CSF2RA: variants seen among roughly 807,000 people sequenced by gnomAD.
CSF2RA encodes granulocyte-macrophage colony-stimulating factor receptor subunit alpha.
A neutral mutation model predicts 51.6 loss-of-function variants in CSF2RA; 42 were observed. The ratio of observed to expected loss-of-function variants is 0.81; its 90% CI spans 0.64 to 1.05. The LOEUF (loss-of-function observed/expected upper bound fraction) is 1.05, where lower values mean the gene tolerates loss of function less well. CSF2RA is among the 50% of genes least tolerant of loss of function. The pLI, the probability that CSF2RA is intolerant of heterozygous loss-of-function variation, is 0.00. For synonymous variants in CSF2RA, 222 were observed against 193.0 expected (o/e 1.15, Z -1.24); for missense variants, 530 against 501.1 (o/e 1.06, Z -0.55).
At chrX:1,306,047 A>G in intron 12 of CSF2RA, 1 of 447,926 alleles carries the variant, frequency 2.2e-6, no homozygotes, top group South Asian at 2.3e-5. Flanking sequence ...GCACCACTGC[A>G]CTCCAGCCTG....
chrX:1,282,844 C>A, intron 3 of CSF2RA, 65 bp downstream of exon 3: 4 of 1,351,410 alleles, frequency 3.0e-6, no homozygotes, highest in Non-Finnish European at 4.2e-6. Flanking sequence ...CATCTGGAGA[C>A]CCATCTGGAT....
chrX:1,322,779 A>G, the CSF2RA span, among the ~76,000 whole-genome samples: 2 of 151,900 alleles, frequency 1.3e-5, no homozygotes, highest in Non-Finnish European at 2.9e-5. Flanking sequence ...GTCCACGTTA[A>G]CCTCAGAATG....
At chrX:1,303,381 AC>A in intron 10 of CSF2RA, 1 of 434,624 alleles carries the variant, frequency 2.3e-6, no homozygotes. Context: ...GATTACAGGC[AC>A]CCACCACCAT....
At chrX:1,324,895 A>G in the CSF2RA span, among the ~76,000 whole-genome samples, 1 of 152,072 alleles carries the variant, frequency 6.6e-6, no homozygotes, top group African/African-American at 2.4e-5. Flanking sequence ...TCCTTGTCAG[A>G]GCCCTGTGTC....
chrX:1,313,232 T>C (rs1251784309), downstream of CSF2RA, among the ~76,000 whole-genome samples: 1 of 151,426 alleles, frequency 6.6e-6, no homozygotes, highest in African/African-American at 2.4e-5. Flanking sequence ...AAAACCAGCC[T>C]GGCCAACGTG....
intron 7 of CSF2RA, among the ~76,000 whole-genome samples, chrX:1,290,961 A>G (rs2049146278): frequency 6.6e-6 from 1 of 152,070 alleles, no homozygotes; most frequent in African/African-American, 2.4e-5. Flanking sequence ...TCGCTCTGTC[A>G]CCCAGGCTGG....
At chrX:1,280,874 T>TCTCCTCCTCCTC (rs2089849195) in intron 2 of CSF2RA, among the ~76,000 whole-genome samples, 13 of 37,966 alleles carry the variant, frequency 3.4e-4, no homozygotes, top group Admixed American at 1.3e-3. Context: ...TCCTCCTCCT[T>TCTCCTCCTCCTC]CTCCTGCTCC....
intron 2 of CSF2RA, among the ~76,000 whole-genome samples, chrX:1,275,719 C>A (rs774395768): frequency 6.6e-6 from 1 of 151,082 alleles, no homozygotes; most frequent in Admixed American, 6.6e-5. Flanking sequence ...CCACCATGCC[C>A]AGCTAATTTT....
chrX:1,280,847 TCTCCTTCTCCTCCTCCTCCTC>T (rs1412430992), intron 2 of CSF2RA, among the ~76,000 whole-genome samples: 3 of 41,742 alleles, frequency 7.2e-5, no homozygotes, highest in African/African-American at 2.4e-4. Context: ...TCCTCCTTCC[TCTCCTTCTCCTCCTCCTCCTC>T]CTCCTTCTCC....
chrX:1,308,024 G>C (rs1250059022), intron 12 of CSF2RA, among the ~76,000 whole-genome samples: 31 of 147,386 alleles, frequency 2.1e-4, no homozygotes, highest in African/African-American at 7.8e-4. Context: ...CAACTGATTA[G>C]ATGAGGCCCA....
At chrX:1,274,676 C>T (rs1361749571) in intron 1 of CSF2RA, 79 bp from the exon 2 acceptor site, 5 of 447,806 alleles carry the variant, frequency 1.1e-5, no homozygotes, top group East Asian at 7.1e-5. Context: ...GAATAAAATG[C>T]GAGGCAGGTT....
intron 9 of CSF2RA, among the ~76,000 whole-genome samples, chrX:1,299,295 C>T (rs780370460): frequency 2.0e-5 from 3 of 152,278 alleles, no homozygotes; most frequent in East Asian, 1.9e-4. Flanking sequence ...CCAAGTCTCG[C>T]GGCCACTCTG....
At chrX:1,271,016 C>A (rs1461815889) in intron 1 of CSF2RA, among the ~76,000 whole-genome samples, 1 of 150,474 alleles carries the variant, frequency 6.6e-6, no homozygotes, top group Non-Finnish European at 1.5e-5. Context: ...ATTCCCCCAT[C>A]CCTCGTGTAT....
intron 7 of CSF2RA, among the ~76,000 whole-genome samples, chrX:1,292,232 C>A (rs1475698838): frequency 2.0e-5 from 3 of 152,162 alleles, no homozygotes; most frequent in African/African-American, 4.8e-5. Context: ...TCCACATTTA[C>A]GTGGACACAG....
intron 1 of CSF2RA, among the ~76,000 whole-genome samples, chrX:1,274,313 A>AT (rs774046959): frequency 6.6e-6 from 1 of 151,308 alleles, no homozygotes; most frequent in Non-Finnish European, 1.5e-5. Flanking sequence ...GCTTTCATAC[A>AT]TTTTTTTGGC....
chrX:1,322,439 G>GC, the CSF2RA span, among the ~76,000 whole-genome samples: 2 of 120,690 alleles, frequency 1.7e-5, no homozygotes, highest in African/African-American at 6.3e-5. Flanking sequence ...GTGTGTGTTT[G>GC]TTTTTTTTTT....
At chrX:1,283,536 CCT>C (rs2090304986) in intron 3 of CSF2RA, among the ~76,000 whole-genome samples, 1 of 121,780 alleles carries the variant, frequency 8.2e-6, no homozygotes, top group Admixed American at 9.8e-5. Context: ...TTTCTTTCTT[CCT>C]CTTTCTTCTT....
downstream of CSF2RA, among the ~76,000 whole-genome samples, chrX:1,314,596 GCCC>G (rs2084424074): frequency 1.8e-4 from 5 of 27,682 alleles, no homozygotes; most frequent in African/African-American, 2.6e-4. Context: ...CACTGCACCT[GCCC>G]AACCCCACTG....
rs376047951 is a variant in CSF2RA, at chrX:1,282,957, T to G, written c.76+178T>G. Among the ~76,000 whole-genome samples the G allele has an allele frequency of 1.2e-3, 188 of 152,188 alleles. 2 individuals carry two copies. The highest frequency in any genetic ancestry group is 4.3e-3 in the African/African-American group (180 of 41,542). ...AGCTCCTCTTGTTCTCACCTCCTTT[T>G]CTGCTGTTAATTCCCATCCACCCAT... On this transcript the variant is annotated intron_variant, in intron 3 of 12. Transcript: ENST00000381529.
Sources: gnomAD v4.1 joint callset for allele counts (sites outside exome capture counted in the v4.1 genomes callset) on GRCh38, gnomAD v4.1.1 for gene constraint, MANE v1.5 for transcripts, NCBI Gene and HGNC (gene_info 2026-07-23, HGNC 2026-07-21) for gene names.